CACNB4: variants seen among roughly 807,000 people sequenced by gnomAD.
The protein encoded by CACNB4 is calcium voltage-gated channel auxiliary subunit beta 4, also known as voltage-dependent L-type calcium channel subunit beta-4.
In CACNB4, 32 loss-of-function variants were observed where a neutral mutation model predicts 71.2. The observed-to-expected ratio is 0.45, with a 90% CI of 0.34 to 0.60. The LOEUF (loss-of-function observed/expected upper bound fraction) is 0.60. Among genes scored for constraint, CACNB4 ranks in the 20% least tolerant of loss-of-function variants. CACNB4 has a pLI of 0.01. For missense variants in CACNB4, 464 were observed against 647.9 expected (o/e 0.72, Z 3.08); for synonymous variants, 231 against 236.9 (o/e 0.97, Z 0.23).
intron 9 of CACNB4, among the ~76,000 whole-genome samples, chr2:151,862,108 T>C (rs973929509): frequency 6.6e-6 from 1 of 152,146 alleles, no homozygotes; most frequent in East Asian, 1.9e-4. Context: ...GTAGCACCCC[T>C]CCCCTTTTAT....
rs115060577 is a variant in CACNB4 at position 151,946,027 on chromosome 2, T to A, written c.148-62657A>T. ...CTATTGTTGTTGTTATTATTATTAT[T>A]ATAATAAAATGCCTCCCAAGGCCAG... On this transcript the variant is annotated intron_variant, in intron 2 of 13. Transcript: ENST00000539935. Among the ~76,000 whole-genome samples the A allele has an allele frequency of 8.2e-3, 1,234 of 149,596 alleles. 14 individuals are homozygous for A. The highest frequency in any genetic ancestry group is 0.029 in the African/African-American group (1,167 of 40,938).
intron 2 of CACNB4, among the ~76,000 whole-genome samples, chr2:152,039,283 G>C (rs1227768451): frequency 6.6e-6 from 1 of 152,018 alleles, no homozygotes; most frequent in East Asian, 1.9e-4. Context: ...CAGGTGTGGT[G>C]GTGGGTGCCT....
In CACNB4 at chr2:152,041,798, A is replaced by T. The variant is rs144669811; in HGVS notation, c.147+56532T>A. 2.8e-4 allele frequency among the ~76,000 whole-genome samples: 42 copies of T among 152,378 alleles called. No homozygotes were observed. The East Asian group carries it at 7.9e-3, about 29-fold the overall frequency. ...GAGATATCTTGCAAGTGATTAAAAG[A>T]TAGTGTTCTGTCTAGCACTATTGCA... On this transcript the variant is annotated intron_variant, in intron 2 of 13. Transcript: ENST00000539935.
At chr2:151,847,888 GT>G (rs1391415029) in intron 12 of CACNB4, among the ~76,000 whole-genome samples, 1 of 152,134 alleles carries the variant, frequency 6.6e-6, no homozygotes, top group African/African-American at 2.4e-5. Flanking sequence ...GGCTCTAGCA[GT>G]TAGTTCCAGG....
chr2:151,939,823 T>TC (rs1258102804), intron 2 of CACNB4, among the ~76,000 whole-genome samples: 1 of 152,124 alleles, frequency 6.6e-6, no homozygotes, highest in Non-Finnish European at 1.5e-5. Context: ...ATGAAAGTTC[T>TC]TGGGAAAGCA....
At position 151,855,218 on chromosome 2, in the gene CACNB4, A is replaced by G; in HGVS notation, c.1020+6T>C. ...CTAAACCTTAAGGCAGAAAGGAGCT[A>G]ATTACCTTTGGAGATGAGACTTTTA... On this transcript the variant is annotated splice_donor_region_variant and intron_variant, in intron 11 of 13. Transcript: ENST00000539935. 6.5e-7 allele frequency: 1 copy of G among 1,528,016 alleles called. No homozygotes were observed. Among genetic ancestry groups the G allele is most frequent in the Non-Finnish European group, 8.9e-7 (1 of 1,119,936 alleles). The allele number at this position is 1,528,016 out of a possible 1,614,324, so 94.7% of individuals were successfully genotyped here. A position where few individuals can be genotyped will look rare whatever the true frequency, so the allele number is the denominator to read the frequency against.
intron 2 of CACNB4, among the ~76,000 whole-genome samples, chr2:152,056,085 G>A (rs1482541844): frequency 3.3e-5 from 5 of 152,012 alleles, no homozygotes; most frequent in Non-Finnish European, 5.9e-5. Flanking sequence ...ATTTTCGGCT[G>A]GGCACGGTGG....
chr2:152,041,416 T>A (rs917218718), intron 2 of CACNB4, among the ~76,000 whole-genome samples: 1 of 152,254 alleles, frequency 6.6e-6, no homozygotes, highest in Admixed American at 6.5e-5. Flanking sequence ...ATGGGGGCTA[T>A]AAATTTCTGT....
At chr2:151,841,057 C>T (rs955267625) in intron 13 of CACNB4, among the ~76,000 whole-genome samples, 1 of 152,192 alleles carries the variant, frequency 6.6e-6, no homozygotes, top group African/African-American at 2.4e-5. Context: ...CGTGCCACAG[C>T]CACTTACAAA....
At chr2:152,006,367 C>A (rs1250405465) in intron 2 of CACNB4, among the ~76,000 whole-genome samples, 5 of 151,866 alleles carry the variant, frequency 3.3e-5, no homozygotes, top group Non-Finnish European at 7.4e-5. Context: ...GAGTTTGATG[C>A]CCCCGTTCCA....
intron 2 of CACNB4, among the ~76,000 whole-genome samples, chr2:152,025,900 G>C (rs1346940485): frequency 6.6e-6 from 1 of 152,230 alleles, no homozygotes; most frequent in Non-Finnish European, 1.5e-5. Flanking sequence ...TTGCAGTATA[G>C]TAGAAAAACG....
intron 2 of CACNB4, among the ~76,000 whole-genome samples, chr2:151,960,803 G>A (rs1230944205): frequency 1.3e-5 from 2 of 152,138 alleles, no homozygotes; most frequent in African/African-American, 2.4e-5. Context: ...TCCTAATCCT[G>A]ATCACAGCTT....
intron 2 of CACNB4, among the ~76,000 whole-genome samples, chr2:152,082,735 CT>C (rs201178511): frequency 0.013 from 1,995 of 152,254 alleles, 40 homozygotes; most frequent in African/African-American, 0.046. Flanking sequence ...CAGAACTTCA[CT>C]GTTTAGTCAG....
chr2:152,030,379 GATC>G (rs1459428823), intron 2 of CACNB4, among the ~76,000 whole-genome samples: 4 of 152,096 alleles, frequency 2.6e-5, no homozygotes, highest in Non-Finnish European at 5.9e-5. Context: ...TTTTACACAA[GATC>G]ATCATTAATT....
chr2:151,945,769 G>T (rs914945428), intron 2 of CACNB4, among the ~76,000 whole-genome samples: 4 of 151,804 alleles, frequency 2.6e-5, no homozygotes, highest in African/African-American at 9.7e-5. Flanking sequence ...CGCGCCTGTA[G>T]TCATAGCTAC....
intron 2 of CACNB4, among the ~76,000 whole-genome samples, chr2:152,009,201 A>AAAAG (rs1553810022): frequency 1.5e-4 from 23 of 151,792 alleles, no homozygotes; most frequent in Middle Eastern, 3.4e-3. Flanking sequence ...AAAAAAAAAA[A>AAAAG]AAAGAAAGAA....
At chr2:152,028,305 T>A (rs1295091922) in intron 2 of CACNB4, among the ~76,000 whole-genome samples, 1 of 152,046 alleles carries the variant, frequency 6.6e-6, no homozygotes, top group Non-Finnish European at 1.5e-5. Flanking sequence ...ACTACAAAAT[T>A]TAAATTACCT....
intron 2 of CACNB4, among the ~76,000 whole-genome samples, chr2:152,042,743 A>G (rs933027134): frequency 3.3e-5 from 5 of 152,136 alleles, no homozygotes; most frequent in Admixed American, 1.3e-4. Flanking sequence ...GAGCAACTCC[A>G]TCTTGAATAG....
At chr2:152,035,682 A>T (rs9784132) in intron 2 of CACNB4, among the ~76,000 whole-genome samples, 102,500 of 142,964 alleles carry the variant, frequency 0.72, 36,496 homozygotes, top group East Asian at 0.87. Flanking sequence ...TGTATGTATT[A>T]AGATGCACCT....
Sources: allele counts gnomAD v4.1 joint callset (sites outside exome capture counted in the v4.1 genomes callset), GRCh38; gene constraint gnomAD v4.1.1; transcripts MANE v1.5; gene names NCBI Gene and HGNC (gene_info 2026-07-23, HGNC 2026-07-21).